Variants in CNOT2 observed in about 807,000 individuals in gnomAD.
The protein encoded by CNOT2 is CC chemokine receptor 4-negative regulator of transcription 2.
Under a neutral mutation model 72.1 loss-of-function variants are expected in CNOT2, and 7 were observed. The observed-to-expected ratio is 0.10, with a 90% CI of 0.06 to 0.18. The LOEUF (loss-of-function observed/expected upper bound fraction) is 0.18. Among genes scored for constraint, CNOT2 ranks in the 10% least tolerant of loss-of-function variants. CNOT2 has a pLI of 1.00. For synonymous variants in CNOT2, 196 were observed against 225.6 expected, an observed-to-expected ratio of 0.87 and a Z score of 1.17; for missense variants, 345 against 660.3, an observed-to-expected ratio of 0.52 and a Z score of 5.23.
intron 1 of CNOT2, among the ~76,000 whole-genome samples, chr12:70,265,949 T>C (rs1593068784): frequency 6.6e-6 from 1 of 152,132 alleles, no homozygotes; most frequent in Non-Finnish European, 1.5e-5. Context: ...ATGTCACTTT[T>C]TAGTGTAATT....
At chr12:70,266,039 A>G (rs1959023794) in intron 1 of CNOT2, among the ~76,000 whole-genome samples, 1 of 150,310 alleles carries the variant, frequency 6.7e-6, no homozygotes, top group Admixed American at 6.6e-5. Flanking sequence ...AGATGCAACT[A>G]ATTTGATGAA....
At chr12:70,291,248 A>G (rs1871851149) in intron 2 of CNOT2, among the ~76,000 whole-genome samples, 1 of 152,208 alleles carries the variant, frequency 6.6e-6, no homozygotes, top group African/African-American at 2.4e-5. Context: ...ATAGCATAAA[A>G]TAGTATATTA....
chr12:70,345,154 ATAGAG>A (rs1324581814), intron 14 of CNOT2: 2 of 152,224 alleles, frequency 1.3e-5, no homozygotes, highest in Non-Finnish European at 2.9e-5. Flanking sequence ...TATGTTTACT[ATAGAG>A]TAAACTATTA....
chr12:70,306,613 A>G (rs527901874), intron 2 of CNOT2, among the ~76,000 whole-genome samples: 6 of 152,134 alleles, frequency 3.9e-5, no homozygotes, highest in Non-Finnish European at 7.3e-5. Flanking sequence ...AAAAATCTCA[A>G]TTTGTCTTAG....
At chr12:70,295,957 C>G (rs1046409116) in intron 2 of CNOT2, among the ~76,000 whole-genome samples, 1 of 152,116 alleles carries the variant, frequency 6.6e-6, no homozygotes, top group African/African-American at 2.4e-5. Flanking sequence ...CAGAGTCAAA[C>G]TTGTGGAGGT....
chr12:70,274,064 G>A (rs894452180), intron 1 of CNOT2, among the ~76,000 whole-genome samples: 1 of 152,024 alleles, frequency 6.6e-6, no homozygotes, highest in Non-Finnish European at 1.5e-5. Flanking sequence ...CAGAGAAACT[G>A]TTCTTAGTTA....
chr12:70,265,282 T>TCTCTC (rs1178769875), intron 1 of CNOT2, among the ~76,000 whole-genome samples: 49 of 132,360 alleles, frequency 3.7e-4, no homozygotes, highest in African/African-American at 1.4e-3. Context: ...TTTCTTCTCT[T>TCTCTC]CTCTTCTCTT....
intron 1 of CNOT2, among the ~76,000 whole-genome samples, chr12:70,247,075 T>C (rs1188117313): frequency 3.9e-5 from 6 of 152,168 alleles, no homozygotes; most frequent in East Asian, 1.9e-4. Flanking sequence ...GTTTTGTATA[T>C]GCGTAGACTC....
chr12:70,345,684 T>G (rs1032368974), intron 14 of CNOT2: 4 of 152,242 alleles, frequency 2.6e-5, no homozygotes, highest in Non-Finnish European at 5.9e-5. Context: ...ATATTCAGTA[T>G]AATTTTTCAA....
intron 8 of CNOT2, 135 bp downstream of exon 8, chr12:70,335,698 A>G: frequency 1.7e-6 from 1 of 580,410 alleles, no homozygotes; most frequent in Non-Finnish European, 2.9e-6. Flanking sequence ...GGTTAGTGTA[A>G]TTTTTTCAGA....
chr12:70,321,913 G>A (rs1248355809), intron 4 of CNOT2: 1 of 151,840 alleles, frequency 6.6e-6, no homozygotes, highest in African/African-American at 2.4e-5. Context: ...ACAGAGACCT[G>A]TATGGTCTTC....
At position 70,269,217 on chromosome 12, in the gene CNOT2, C is replaced by T. The variant is rs77036494; in HGVS notation, c.-95-8915C>T. Among the ~76,000 whole-genome samples, 1,033 of 151,782 alleles carry T rather than the reference C, an allele frequency of 6.8e-3. 9 individuals carry two copies. Among genetic ancestry groups the T allele is most frequent in the African/African-American group, 0.023 (956 of 41,394 alleles). On this transcript the variant is annotated intron_variant, in intron 1 of 15. Coordinates refer to ENST00000229195, the MANE Select transcript of CNOT2 (RefSeq NM_014515.7). The stretch of plus-strand genomic sequence containing the variant: ...TATGAGACCTTGAACAAGGTTAGGC[C>T]TACCAGACTACAATGTATCTCTGAA...
chr12:70,298,753 C>T (rs900161135), intron 2 of CNOT2, among the ~76,000 whole-genome samples: 3 of 152,104 alleles, frequency 2.0e-5, no homozygotes, highest in African/African-American at 7.2e-5. Flanking sequence ...AACTTCTGTT[C>T]TGAGTAACTG....
At chr12:70,353,075 C>CTT (rs372881091) in intron 15 of CNOT2, among the ~76,000 whole-genome samples, 2 of 135,516 alleles carry the variant, frequency 1.5e-5, no homozygotes, top group East Asian at 2.1e-4. Flanking sequence ...ATGTGTTTTC[C>CTT]TTTTTTTTTT....
intron 15 of CNOT2, among the ~76,000 whole-genome samples, chr12:70,349,570 A>T (rs887025671): frequency 6.6e-6 from 1 of 152,198 alleles, no homozygotes; most frequent in Non-Finnish European, 1.5e-5. Flanking sequence ...TTTTCAGATA[A>T]TTGTAATATT....
At position 70,335,588 on chromosome 12, in the gene CNOT2, C is replaced by T. The variant is rs753581040; in HGVS notation, c.775+25C>T. 4.4e-6 allele frequency: 7 copies of T among 1,587,742 alleles called. No individual in the cohort carries two copies. The Admixed American group carries it at 1.0e-4, about 23-fold the overall frequency. On this transcript the variant is annotated intron_variant, in intron 8 of 15. Coordinates refer to ENST00000229195, the MANE Select transcript of CNOT2 (RefSeq NM_014515.7). ...GGTAATTAAGCTTTTTAATGATGGCCAGTAGAAAGTTTCCATTGTATGTGC... is the reference window on the plus strand; with the variant it reads ...GGTAATTAAGCTTTTTAATGATGGCTAGTAGAAAGTTTCCATTGTATGTGC...
chr12:70,338,284 A>G (rs1880974341), intron 9 of CNOT2, 159 bp from the exon 10 acceptor site: 1 of 591,270 alleles, frequency 1.7e-6, no homozygotes, highest in Non-Finnish European at 2.9e-6. Context: ...ATACCATGGA[A>G]CAATGATGGA....
chr12:70,342,226 G>C (rs1275118160), intron 12 of CNOT2, 32 bp from the exon 13 acceptor site: 3 of 1,613,180 alleles, frequency 1.9e-6, no homozygotes, highest in Non-Finnish European at 2.5e-6. Flanking sequence ...TTGAGAATCA[G>C]TTAATAAGGC....
intron 1 of CNOT2, among the ~76,000 whole-genome samples, chr12:70,250,186 A>G (rs1339305516): frequency 6.6e-6 from 1 of 152,176 alleles, no homozygotes; most frequent in Non-Finnish European, 1.5e-5. Flanking sequence ...TGTGAAGCAC[A>G]AATAAGTGAA....
Sources: gnomAD v4.1 joint callset for allele counts (sites outside exome capture counted in the v4.1 genomes callset) on GRCh38, gnomAD v4.1.1 for gene constraint, MANE v1.5 for transcripts, NCBI Gene and HGNC (gene_info 2026-07-23, HGNC 2026-07-21) for gene names.